The following KLHL32 variants were observed in gnomAD, a reference collection of about 807,000 sequenced individuals.
KLHL32 encodes kelch-like protein 32.
In KLHL32, 35 loss-of-function variants were observed where a neutral mutation model predicts 64.8. The observed-to-expected ratio is 0.54, with a 90% CI of 0.41 to 0.72. The LOEUF (loss-of-function observed/expected upper bound fraction) is 0.72, where lower values mean the gene tolerates loss of function less well. Ranked by LOEUF, KLHL32 falls within the 30% of genes least tolerant of loss-of-function variation. The pLI is 0.00. For synonymous variants in KLHL32, 259 were observed against 281.0 expected, an observed-to-expected ratio of 0.92 and a Z score of 0.78; for missense variants, 589 against 768.5, an observed-to-expected ratio of 0.77 and a Z score of 2.76.
chr6:97,001,895 C>T (rs1308228519), intron 3 of KLHL32, among the ~76,000 whole-genome samples: 5 of 152,184 alleles, frequency 3.3e-5, no homozygotes, highest in African/African-American at 7.2e-5. Flanking sequence ...CTAAGAAGAG[C>T]GTTATACTGA....
At chr6:96,898,516 T>C in the KLHL32 span, among the ~76,000 whole-genome samples, 1 of 152,254 alleles carries the variant, frequency 6.6e-6, no homozygotes, top group African/African-American at 2.4e-5. Flanking sequence ...CGTTCTCATT[T>C]GACCTAATGG....
At chr6:96,987,520 A>C (rs1392789419) in intron 3 of KLHL32, among the ~76,000 whole-genome samples, 3 of 152,230 alleles carry the variant, frequency 2.0e-5, no homozygotes, top group African/African-American at 7.2e-5. Context: ...GAAAATGGCC[A>C]TACTGCCTGA....
intron 3 of KLHL32, among the ~76,000 whole-genome samples, chr6:96,984,610 G>C (rs1361427281): frequency 6.6e-6 from 1 of 152,160 alleles, no homozygotes; most frequent in Non-Finnish European, 1.5e-5. Flanking sequence ...TTGTTGCATT[G>C]ATCCCTTTAC....
At chr6:97,012,967 C>T (rs1169242625) in intron 3 of KLHL32, among the ~76,000 whole-genome samples, 1 of 152,072 alleles carries the variant, frequency 6.6e-6, no homozygotes, top group African/African-American at 2.4e-5. Flanking sequence ...TTCAAAATTT[C>T]ATCTTTTTCT....
chr6:97,139,328 T>C lies in KLHL32; in HGVS notation c.*46T>C. Reference sequence around the variant, plus strand: ...AGGAGGAAAACATAGCTCTGACTGTTGGATACTGGGCATGAAAAGACTCAG... The same window carrying C: ...AGGAGGAAAACATAGCTCTGACTGTCGGATACTGGGCATGAAAAGACTCAG... On this transcript the variant is annotated 3_prime_UTR_variant, in exon 11 of 11. Transcript: ENST00000369261. 1 of 1,526,472 alleles carries C rather than the reference T, an allele frequency of 6.6e-7. No individual in the cohort carries two copies. The highest frequency in any genetic ancestry group is 9.0e-7 in the Non-Finnish European group (1 of 1,114,158). The allele number at this position is 1,526,472 out of a possible 1,614,324, so 94.6% of individuals were successfully genotyped here.
At chr6:97,032,111 A>G (rs1440276446) in intron 3 of KLHL32, among the ~76,000 whole-genome samples, 1 of 152,248 alleles carries the variant, frequency 6.6e-6, no homozygotes, top group Non-Finnish European at 1.5e-5. Flanking sequence ...AATTGCCCAC[A>G]TGACTAGTAG....
chr6:97,064,755 C>T, intron 5 of KLHL32, 29 bp downstream of exon 5: 1 of 1,529,536 alleles, frequency 6.5e-7, no homozygotes, highest in East Asian at 2.3e-5. Context: ...TGCTCATACA[C>T]CCTTCACATT....
chr6:96,948,137 C>G (rs1430865688), intron 1 of KLHL32, among the ~76,000 whole-genome samples: 5 of 152,126 alleles, frequency 3.3e-5, no homozygotes, highest in Admixed American at 6.6e-5. Flanking sequence ...AGTTTTTGCT[C>G]TCTGGAAAAT....
chr6:97,089,778 T>TA (rs35560928), intron 6 of KLHL32, among the ~76,000 whole-genome samples: 38,069 of 136,144 alleles, frequency 0.28, 6,279 homozygotes, highest in East Asian at 0.39. Context: ...AAACTCCAGC[T>TA]AAAAAAAAAA....
intron 3 of KLHL32, among the ~76,000 whole-genome samples, chr6:97,016,215 TG>T (rs969829287): frequency 6.6e-6 from 1 of 152,196 alleles, no homozygotes; most frequent in African/African-American, 2.4e-5. Flanking sequence ...GACCCCAGAA[TG>T]GCAGCTCCAC....
intron 6 of KLHL32, among the ~76,000 whole-genome samples, chr6:97,094,863 T>C (rs137924006): frequency 6.6e-5 from 10 of 152,308 alleles, no homozygotes; most frequent in East Asian, 3.9e-4. Context: ...GTGTGTGTTC[T>C]TGTTGATGAG....
intron 5 of KLHL32, 35 bp from the exon 6 acceptor site, chr6:97,085,091 G>C (rs1230386865): frequency 1.7e-5 from 26 of 1,567,874 alleles, no homozygotes; most frequent in Non-Finnish European, 2.1e-5. Context: ...TTATTTCTAA[G>C]AGATCTTTTT....
intron 3 of KLHL32, among the ~76,000 whole-genome samples, chr6:97,038,325 CA>C (rs142479378): frequency 0.019 from 2,608 of 138,818 alleles, 33 homozygotes; most frequent in East Asian, 0.077. Context: ...AGTTCACTAG[CA>C]AAAAAAAAAA....
chr6:97,095,731 G>A (rs779732601), intron 6 of KLHL32, among the ~76,000 whole-genome samples: 11 of 152,184 alleles, frequency 7.2e-5, no homozygotes, highest in Admixed American at 1.3e-4. Flanking sequence ...GAAGGTGCCC[G>A]GGAGCACACA....
chr6:96,963,751 A>C (rs1187897170), intron 1 of KLHL32, among the ~76,000 whole-genome samples: 9 of 152,238 alleles, frequency 5.9e-5, no homozygotes, highest in Admixed American at 1.3e-4. Context: ...GTTCAGTAAA[A>C]TCAATAAATT....
intron 6 of KLHL32, among the ~76,000 whole-genome samples, chr6:97,100,726 A>C (rs950002340): frequency 6.6e-6 from 1 of 151,246 alleles, no homozygotes. Context: ...TTTGGTTATA[A>C]TATTGAAGAT....
intron 3 of KLHL32, among the ~76,000 whole-genome samples, chr6:97,008,546 C>T (rs540376913): frequency 9.2e-5 from 14 of 152,114 alleles, no homozygotes; most frequent in Non-Finnish European, 2.1e-4. Flanking sequence ...CTGAGCTGTG[C>T]ACTGGCTGGA....
chr6:97,101,058 T>G (rs1795667188), intron 6 of KLHL32, among the ~76,000 whole-genome samples: 1 of 143,776 alleles, frequency 7.0e-6, no homozygotes. Flanking sequence ...TCCTCCCACC[T>G]CGGCCTCCCA....
In KLHL32 at chr6:96,985,736, G is replaced by A. The variant is rs549632123; in HGVS notation, c.204+9559G>A. 2.6e-5 allele frequency among the ~76,000 whole-genome samples: 3 copies of A among 115,726 alleles called. No individual in the cohort carries two copies. The East Asian group carries it at 7.7e-4, about 30-fold the overall frequency. 75.9% of individuals were successfully genotyped at this position (115,726 alleles called of 152,430 possible). A position where few individuals can be genotyped will look rare whatever the true frequency, so the allele number is the denominator to read the frequency against. The stretch of plus-strand genomic sequence containing the variant: ...TTTCAGTTCCATCAGGTCCTTTAAG[G>A]ACTTCTCTAGAATTGGTTATTCTAG... On this transcript the variant is annotated intron_variant, in intron 3 of 10. Coordinates refer to ENST00000369261, the MANE Select transcript of KLHL32 (RefSeq NM_052904.4).
Sources: allele counts gnomAD v4.1 joint callset (sites outside exome capture counted in the v4.1 genomes callset), GRCh38; gene constraint gnomAD v4.1.1; transcripts MANE v1.5; gene names NCBI Gene and HGNC (gene_info 2026-07-23, HGNC 2026-07-21).